Variants in AKAP3 observed in about 807,000 individuals in gnomAD.
The protein encoded by AKAP3 is A-kinase anchor protein 3.
In AKAP3, 27 loss-of-function variants were observed where a neutral mutation model predicts 57.2. That is an observed-to-expected ratio of 0.47 (90% CI 0.35 to 0.65). The LOEUF is 0.65. Among genes scored for constraint, AKAP3 ranks in the 30% least tolerant of loss-of-function variants. The pLI is 0.01. For missense variants in AKAP3, 959 were observed against 1,040.0 expected, an observed-to-expected ratio of 0.92 and a Z score of 1.07; for synonymous variants, 334 against 392.3, an observed-to-expected ratio of 0.85 and a Z score of 1.76.
intron 3 of AKAP3, among the ~76,000 whole-genome samples, chr12:4,641,517 G>A (rs1945637659): frequency 6.6e-6 from 1 of 152,106 alleles, no homozygotes; most frequent in Non-Finnish European, 1.5e-5. Flanking sequence ...ATTTTCTTTG[G>A]TATCTTATGT....
chr12:4,636,973 T>G (rs1169124621), intron 4 of AKAP3, among the ~76,000 whole-genome samples: 1 of 152,170 alleles, frequency 6.6e-6, no homozygotes, highest in Non-Finnish European at 1.5e-5. Flanking sequence ...CTCCAACTCC[T>G]GGGCTCAAGC....
chr12:4,640,159 T>C (rs1234053124), intron 3 of AKAP3, among the ~76,000 whole-genome samples: 1 of 152,162 alleles, frequency 6.6e-6, no homozygotes, highest in Non-Finnish European at 1.5e-5. Flanking sequence ...TGATGGACAT[T>C]TGGGTTGGTG....
intron 5 of AKAP3, among the ~76,000 whole-genome samples, chr12:4,620,810 G>A (rs1344619644): frequency 6.6e-6 from 1 of 152,142 alleles, no homozygotes; most frequent in Non-Finnish European, 1.5e-5. Context: ...ACATATAGTG[G>A]ATAGTACTTC....
In AKAP3 at chr12:4,628,026, C is replaced by A. The variant is rs778475229; in HGVS notation, c.876G>T (p.Val292=). 34 of 1,613,916 alleles carry A rather than the reference C, an allele frequency of 2.1e-5. No homozygotes were observed. The highest frequency in any genetic ancestry group is 3.3e-4 in the Middle Eastern group (2 of 6,084). ...SEGIMTYANS[V]VSDMMVSIMK... ...TGATGGAGACCATCATATCAGATACCACACTGTTAGCATAGGTCATGATCC... is the reference window on the plus strand; with the variant it reads ...TGATGGAGACCATCATATCAGATACAACACTGTTAGCATAGGTCATGATCC... Residue 292 remains valine, a synonymous_variant, in exon 5 of 6, where the codon GTG becomes GTT. Transcript: ENST00000228850.
intron 4 of AKAP3, among the ~76,000 whole-genome samples, chr12:4,629,969 T>C (rs1213877203): frequency 6.6e-6 from 1 of 152,216 alleles, no homozygotes; most frequent in Non-Finnish European, 1.5e-5. Flanking sequence ...GATAAGCATA[T>C]GAACATGTTT....
chr12:4,624,824 G>GTGTGTGTGTGTGTGTGTGTATATATA (rs143324716), intron 5 of AKAP3, among the ~76,000 whole-genome samples: 1 of 140,996 alleles, frequency 7.1e-6, no homozygotes, highest in African/African-American at 2.6e-5. Flanking sequence ...GTGTGTGTGT[G>GTGTGTGTGTGTGTGTGTGTATATATA]TATATAAAAG....
chr12:4,630,673 T>C (rs1443723718), intron 4 of AKAP3, among the ~76,000 whole-genome samples: 3 of 152,212 alleles, frequency 2.0e-5, no homozygotes, highest in African/African-American at 7.2e-5. Flanking sequence ...TTCCACATTA[T>C]CTGATTCTCA....
chr12:4,636,039 A>T (rs1253763072), intron 4 of AKAP3: 4 of 1,498,812 alleles, frequency 2.7e-6, no homozygotes. Context: ...GGCCTTTCAC[A>T]AAACGAAGCA....
chr12:4,638,669 C>T (rs1945596319), intron 3 of AKAP3, among the ~76,000 whole-genome samples: 1 of 152,168 alleles, frequency 6.6e-6, no homozygotes, highest in African/African-American at 2.4e-5. Flanking sequence ...AAAGCTGTTA[C>T]TTACTCATAC....
At position 4,615,638 on chromosome 12, in the gene AKAP3, C is replaced by G. The variant is rs1281817204; in HGVS notation, c.*101G>C. 5 of 1,397,966 alleles carry G rather than the reference C, an allele frequency of 3.6e-6. No individual in the cohort carries two copies. The highest frequency in any genetic ancestry group is 1.4e-5 in the African/African-American group (1 of 69,874). 86.6% of individuals were successfully genotyped at this position (1,397,966 alleles called of 1,614,324 possible). ...GAGTGGTGTGAAGATAATGTTAGGG[C>G]TCTGTGAGGATATAGAGGGGGAGAT... On this transcript the variant is annotated 3_prime_UTR_variant, in exon 6 of 6. Coordinates refer to ENST00000228850, the MANE Select transcript of AKAP3 (RefSeq NM_001278309.2).
rs753876903 is a variant in AKAP3, at chr12:4,626,984, G to A, written c.1918C>T (p.Leu640=). The A allele has an allele frequency of 2.5e-6, 4 of 1,613,984 alleles. No homozygotes were observed. The highest frequency in any genetic ancestry group is 1.1e-5 in the South Asian group (1 of 91,074). The change falls in exon 5 of 6, where the codon CTA becomes TTA. Residue 640 remains leucine, a synonymous_variant. Coordinates refer to ENST00000228850, the MANE Select transcript of AKAP3 (RefSeq NM_001278309.2). ...CCAGGGGTCTCATCATCCTCATATA[G>A]CCTGGGGGGAGAAGACGCCAACGGT... is the stretch of plus-strand genomic sequence containing the variant. ...ERPLASSPPR[L]YEDDETPGAL...
Position 4,626,586 on chromosome 12 carries a change from T to C in AKAP3, c.2316A>G (p.Gln772=). ...HNLTDTVQNK[Q]LQAVLQWVAA... ...CTACCCATTGAAGGACGGCTTGGAGTTGCTTGTTCTGAACTGTGTCCGTTA... is the reference window on the plus strand; with the variant it reads ...CTACCCATTGAAGGACGGCTTGGAGCTGCTTGTTCTGAACTGTGTCCGTTA... The change falls in exon 5 of 6, where the codon CAA becomes CAG. Residue 772 remains glutamine (Q), a synonymous_variant. Coordinates refer to ENST00000228850, the MANE Select transcript of AKAP3 (RefSeq NM_001278309.2). The C allele has an allele frequency of 1.2e-6, 2 of 1,614,044 alleles. No individual in the cohort carries two copies. Among genetic ancestry groups the C allele is most frequent in the Non-Finnish European group, 1.7e-6 (2 of 1,179,984 alleles).
chr12:4,631,903 C>T (rs1007055186), intron 4 of AKAP3, among the ~76,000 whole-genome samples: 2 of 152,286 alleles, frequency 1.3e-5, no homozygotes, highest in Non-Finnish European at 1.5e-5. Context: ...TTCATAAACT[C>T]ATACAGGTTT....
intron 5 of AKAP3, among the ~76,000 whole-genome samples, 193 bp from the exon 6 acceptor site, chr12:4,616,087 C>T (rs1179306690): frequency 6.6e-6 from 1 of 152,210 alleles, no homozygotes; most frequent in African/African-American, 2.4e-5. Flanking sequence ...ATGTTAACAC[C>T]CACCTGCCCA....
chr12:4,635,895 T>C (rs1274166208), intron 4 of AKAP3: 1 of 707,204 alleles, frequency 1.4e-6, no homozygotes, highest in Non-Finnish European at 2.6e-6. Context: ...CACTCTTAGA[T>C]CTCTCCATTT....
At chr12:4,633,601 T>C (rs1159629841) in intron 4 of AKAP3, among the ~76,000 whole-genome samples, 1 of 151,906 alleles carries the variant, frequency 6.6e-6, no homozygotes, top group Non-Finnish European at 1.5e-5. Context: ...TACACAACTA[T>C]AGTATTCTGA....
chr12:4,646,275 A>C (rs1042608230), intron 1 of AKAP3, among the ~76,000 whole-genome samples: 1 of 152,170 alleles, frequency 6.6e-6, no homozygotes, highest in African/African-American at 2.4e-5. Flanking sequence ...ACTAGTATAT[A>C]GTTTCCATGG....
At chr12:4,632,789 C>T (rs1475729445) in intron 4 of AKAP3, among the ~76,000 whole-genome samples, 2 of 152,014 alleles carry the variant, frequency 1.3e-5, no homozygotes, top group Admixed American at 6.6e-5. Context: ...TACAGGTGCC[C>T]GCCATCACGC....
intron 4 of AKAP3, chr12:4,636,251 G>C (rs1028417884): frequency 1.4e-5 from 6 of 428,394 alleles, no homozygotes; most frequent in African/African-American, 1.0e-4. Flanking sequence ...TGGAGGTAAA[G>C]AAACCTCAGA....
Sources: allele counts gnomAD v4.1 joint callset (sites outside exome capture counted in the v4.1 genomes callset), GRCh38; gene constraint gnomAD v4.1.1; transcripts MANE v1.5; gene names NCBI Gene and HGNC (gene_info 2026-07-23, HGNC 2026-07-21).